The following CROCC variants were observed in gnomAD, a reference collection of about 807,000 sequenced individuals.
CROCC encodes rootletin.
In CROCC, 180 loss-of-function variants were observed where a neutral mutation model predicts 245.2. The ratio of observed to expected loss-of-function variants is 0.73; its 90% CI spans 0.65 to 0.83. The LOEUF (loss-of-function observed/expected upper bound fraction) is 0.83, where lower values mean the gene tolerates loss of function less well. Ranked by LOEUF, CROCC falls within the 40% of genes least tolerant of loss-of-function variation. The pLI, the probability that CROCC is intolerant of heterozygous loss-of-function variation, is 0.00. For missense variants in CROCC, 2,688 were observed against 2,779.4 expected, an observed-to-expected ratio of 0.97 and a Z score of 0.74; for synonymous variants, 1,205 against 1,241.6, an observed-to-expected ratio of 0.97 and a Z score of 0.62.
intron 15 of CROCC, 103 bp from the exon 16 acceptor site, chr1:16,946,156 T>C: frequency 7.6e-7 from 1 of 1,315,094 alleles, no homozygotes; most frequent in East Asian, 2.4e-5. Flanking sequence ...TTGTCTCCCC[T>C]ACCCTGTCTC....
chr1:16,968,992 A>G (rs1300518551), intron 31 of CROCC, 124 bp from the exon 32 acceptor site: 2 of 951,492 alleles, frequency 2.1e-6, no homozygotes, highest in Non-Finnish European at 3.3e-6. Context: ...GGTCTCAATG[A>G]TGGAGGCCCA....
rs1264669482 is a variant in CROCC at position 16,948,196 on chromosome 1, T to C, written c.2515-135T>C. 8 of 1,407,276 alleles carry C rather than the reference T, an allele frequency of 5.7e-6. No individual in the cohort carries two copies. The Admixed American group carries it at 1.5e-4, about 26-fold the overall frequency. The allele number at this position is 1,407,276 out of a possible 1,614,324, so 87.2% of individuals were successfully genotyped here. A position where few individuals can be genotyped will look rare whatever the true frequency, so the allele number is the denominator to read the frequency against. The stretch of plus-strand genomic sequence containing the variant: ...AGGTCATGACTTGCCCAAGTACATG[T>C]AGCACATCAGGGCAGACCCTGGGCT... On this transcript the variant is annotated intron_variant, in intron 17 of 36. Transcript: ENST00000375541.
chr1:16,971,374 C>T (rs2076515826), intron 35 of CROCC, 91 bp from the exon 36 acceptor site: 2 of 1,438,932 alleles, frequency 1.4e-6, no homozygotes, highest in South Asian at 2.8e-5. Flanking sequence ...TCTGCACTGG[C>T]CGTGTCCCAG....
upstream of CROCC, among the ~76,000 whole-genome samples, chr1:16,921,407 G>T (rs1359629241): frequency 5.3e-5 from 8 of 152,288 alleles, no homozygotes; most frequent in East Asian, 1.5e-3. Flanking sequence ...ATGCTCATCA[G>T]TCCAGGCTGG....
intron 30 of CROCC, among the ~76,000 whole-genome samples, chr1:16,967,167 C>T (rs568197128): frequency 6.6e-6 from 1 of 152,320 alleles, no homozygotes; most frequent in East Asian, 1.9e-4. Flanking sequence ...GTGATTACGT[C>T]ACAGGGTGAC....
rs1292939423 is a variant in CROCC at position 16,955,218 on chromosome 1, G to T, written c.3466-94G>T. On this transcript the variant is annotated intron_variant, in intron 23 of 36. Transcript: ENST00000375541. ...GGTCTGAGCACTGCAGAGGGATGGGGCAGGCTCCCTGGGTCCAGGGATCTG... is the reference window on the plus strand; with the variant it reads ...GGTCTGAGCACTGCAGAGGGATGGGTCAGGCTCCCTGGGTCCAGGGATCTG... 6 of 1,224,996 alleles carry T rather than the reference G, an allele frequency of 4.9e-6. No individual in the cohort carries two copies. The South Asian group carries it at 7.8e-5, about 16-fold the overall frequency. The allele number at this position is 1,224,996 out of a possible 1,614,324, so 75.9% of individuals were successfully genotyped here. A position where few individuals can be genotyped will look rare whatever the true frequency, so the allele number is the denominator to read the frequency against.
intron 10 of CROCC, among the ~76,000 whole-genome samples, 156 bp downstream of exon 10, chr1:16,937,893 C>T (rs1278562203): frequency 1.7e-4 from 26 of 152,260 alleles, no homozygotes; most frequent in African/African-American, 6.3e-4. Flanking sequence ...GTGGGAAGCA[C>T]ACTCACCTCC....
chr1:16,916,302 T>C (rs1458867744), intron 1 of CROCC, among the ~76,000 whole-genome samples: 1 of 152,260 alleles, frequency 6.6e-6, no homozygotes, highest in African/African-American at 2.4e-5. Flanking sequence ...TTAGGTGTGG[T>C]AAGGGCTAGT....
chr1:16,954,286 A>G lies in CROCC; in HGVS notation c.3250A>G (p.Ser1084Gly), dbSNP rs1218065460. ...LSEKLMGTRH[S>G]LATISLEMER... ...AGAGAAGTTGATGGGTACACGGCAC[A>G]GCCTGGCCACCATCTCCCTGGAGAT... Residue 1084 changes from serine to glycine, a missense_variant, in exon 22 of 37, where the codon AGC (serine) becomes GGC (glycine). Physicochemically the swap from Ser to Gly is moderately conservative, Grantham distance 56. Coordinates refer to ENST00000375541, the MANE Select transcript of CROCC (RefSeq NM_014675.5). The surrounding 1 kb of genome is among the most constrained non-coding windows in gnomAD (Gnocchi z 4.4). 2 of 1,611,898 alleles carry G rather than the reference A, an allele frequency of 1.2e-6. No homozygotes were observed. The highest frequency in any genetic ancestry group is 2.7e-5 in the African/African-American group (2 of 74,900).
upstream of CROCC, among the ~76,000 whole-genome samples, chr1:16,916,937 G>A (rs2075311812): frequency 6.6e-6 from 1 of 152,296 alleles, no homozygotes; most frequent in Non-Finnish European, 1.5e-5. Context: ...GGCCAACATG[G>A]TGAAACCCTG....
intron 12 of CROCC, 67 bp downstream of exon 12, chr1:16,939,209 T>TGGGGGCGGGGGG: frequency 1.4e-6 from 1 of 695,990 alleles, no homozygotes; most frequent in Non-Finnish European, 2.1e-6. Context: ...GCCCTCCGGG[T>TGGGGGCGGGGGG]GGGGGCGGGG....
At chr1:16,920,352 C>T (rs1482497134), upstream of CROCC, among the ~76,000 whole-genome samples, 1 of 152,244 alleles carries the variant, frequency 6.6e-6, no homozygotes, top group African/African-American at 2.4e-5. Context: ...GCTGGGATTA[C>T]AGGCCAATTC....
Position 16,936,827 on chromosome 1 carries a change from C to A in CROCC, c.1147C>A (p.Gln383Lys). The A allele has an allele frequency of 6.2e-7, 1 of 1,612,326 alleles. No individual in the cohort carries two copies. Among genetic ancestry groups the A allele is most frequent in the Non-Finnish European group, 8.5e-7 (1 of 1,179,808 alleles). ...DKVLREKDLA[Q>K]QQMQSDLDKA... ...GGTGCTCCGCGAGAAGGACCTGGCG[C>A]AGCAGCAGATGCAAAGCGACCTGGA... Residue 383 changes from glutamine (Q) to lysine (K), a missense_variant, in exon 9 of 37, where the codon CAG (glutamine) becomes AAG (lysine). Physicochemically the swap from Gln to Lys is moderately conservative, Grantham distance 53. This residue lies in a region of CROCC where 972 missense variants were observed against 895.3 expected (regional missense o/e 1.09). Transcript: ENST00000375541.
Position 16,953,395 on chromosome 1 carries a change from G to C in CROCC, c.3100G>C (p.Glu1034Gln). The change falls in exon 21 of 37, where the codon GAG (glutamate) becomes CAG (glutamine). Residue 1034 changes from glutamate (E) to glutamine (Q), a missense_variant. Glu to Gln is a conservative substitution (Grantham distance 29). This residue lies in a region of CROCC where 106 missense variants were observed against 126.1 expected (regional missense o/e 0.84). Transcript: ENST00000375541. ...QEELLARLEA[E>Q]KEELSEEIAA... is the part of the protein sequence containing the mutation. Reference sequence around the variant, plus strand: ...GGAGCTGCTGGCCCGGCTGGAGGCTGAGAAGGAAGAGCTGAGTGAGGAGAT... The same window carrying C: ...GGAGCTGCTGGCCCGGCTGGAGGCTCAGAAGGAAGAGCTGAGTGAGGAGAT... The C allele has an allele frequency of 6.2e-7, 1 of 1,610,778 alleles. No homozygotes were observed. Among genetic ancestry groups the C allele is most frequent in the Non-Finnish European group, 8.5e-7 (1 of 1,179,794 alleles).
rs2076020641 is a variant in CROCC, at chr1:16,945,321, G to A, written c.1992-141G>A. 1.0e-5 allele frequency: 12 copies of A among 1,204,580 alleles called. No homozygotes were observed. The South Asian group carries it at 1.6e-4, about 16-fold the overall frequency. 74.6% of individuals were successfully genotyped at this position (1,204,580 alleles called of 1,614,324 possible). A position where few individuals can be genotyped will look rare whatever the true frequency, so the allele number is the denominator to read the frequency against. On this transcript the variant is annotated intron_variant, in intron 14 of 36. Coordinates refer to ENST00000375541, the MANE Select transcript of CROCC (RefSeq NM_014675.5). The stretch of plus-strand genomic sequence containing the variant: ...CAGGGTCATGGAGCTAAGCGGTAGT[G>A]GGCTTGGTTGCCCTGTGGCTCAGGC...
chr1:16,923,056 G>C (rs2075445308), intron 2 of CROCC, among the ~76,000 whole-genome samples: 1 of 152,300 alleles, frequency 6.6e-6, no homozygotes, highest in Non-Finnish European at 1.5e-5. Context: ...GCCTGCTGCA[G>C]AGATGTGAAC....
At chr1:16,941,020 G>C (rs867326616) in intron 13 of CROCC, 12 of 279,248 alleles carry the variant, frequency 4.3e-5, no homozygotes, top group South Asian at 2.9e-5. Flanking sequence ...TAGACAAGCC[G>C]CCAACATTTC....
At chr1:16,931,900 G>A (rs1268027163) in intron 8 of CROCC, among the ~76,000 whole-genome samples, 1 of 152,174 alleles carries the variant, frequency 6.6e-6, no homozygotes, top group African/African-American at 2.4e-5. Context: ...GGGATAACAG[G>A]CACATGCCGC....
At chr1:16,959,952 AC>A (rs1439008309) in intron 26 of CROCC, among the ~76,000 whole-genome samples, 1 of 151,316 alleles carries the variant, frequency 6.6e-6, no homozygotes, top group Non-Finnish European at 1.5e-5. Flanking sequence ...GCTATTAAAA[AC>A]AAAAAACAAA....
Sources: allele counts gnomAD v4.1 joint callset (sites outside exome capture counted in the v4.1 genomes callset), GRCh38; gene constraint gnomAD v4.1.1; regional missense constraint gnomAD v4.1.1; non-coding constraint Gnocchi (gnomAD v3.1); transcripts MANE v1.5; gene names NCBI Gene and HGNC (gene_info 2026-07-23, HGNC 2026-07-21).